The following KCNN2 variants were observed in gnomAD, a reference collection of about 807,000 sequenced individuals.
KCNN2 encodes the protein small conductance calcium-activated potassium channel protein 2.
KCNN2 carries 24 observed loss-of-function variants against 55.5 expected under a neutral mutation model. The observed-to-expected ratio is 0.43, with a 90% CI of 0.31 to 0.61. The LOEUF is 0.61. Among genes scored for constraint, KCNN2 ranks in the 20% least tolerant of loss-of-function variants. The pLI, the probability that KCNN2 is intolerant of heterozygous loss-of-function variation, is 0.08. For missense variants in KCNN2, 754 were observed against 853.6 expected (o/e 0.88, Z 1.45); for synonymous variants, 431 against 336.1 (o/e 1.28, Z -3.09).
chr5:114,227,994 CGAT>C (rs67331767), intron 2 of KCNN2, among the ~76,000 whole-genome samples: 6,341 of 151,468 alleles, frequency 0.042, 394 homozygotes, highest in African/African-American at 0.13. Context: ...ATGATGATGA[CGAT>C]GATGATGATG....
intron 5 of KCNN2, among the ~76,000 whole-genome samples, chr5:114,474,509 G>C (rs1485724172): frequency 6.6e-6 from 1 of 152,152 alleles, no homozygotes; most frequent in Non-Finnish European, 1.5e-5. Context: ...CCCTGTATGA[G>C]AGTGTGCAGG....
At chr5:114,279,968 C>A (rs1433998496) in intron 2 of KCNN2, among the ~76,000 whole-genome samples, 1 of 152,140 alleles carries the variant, frequency 6.6e-6, no homozygotes, top group Non-Finnish European at 1.5e-5. Flanking sequence ...CCTGTTGTTT[C>A]CTGACTTTTT....
chr5:114,058,843 G>A (rs960145276), intron 1 of KCNN2, among the ~76,000 whole-genome samples: 3 of 152,114 alleles, frequency 2.0e-5, no homozygotes, highest in Admixed American at 1.3e-4. Flanking sequence ...ACTATCGGAG[G>A]GGCATTTGGG....
At chr5:114,321,136 G>T (rs1032017352) in intron 2 of KCNN2, among the ~76,000 whole-genome samples, 1 of 152,158 alleles carries the variant, frequency 6.6e-6, no homozygotes, top group Non-Finnish European at 1.5e-5. Flanking sequence ...TTGAACCCAG[G>T]TACCTTCTTA....
intron 1 of KCNN2, among the ~76,000 whole-genome samples, chr5:114,065,651 A>T (rs1298785932): frequency 2.6e-5 from 4 of 152,102 alleles, no homozygotes; most frequent in Admixed American, 6.5e-5. Context: ...TTCTGTGGAC[A>T]TTTGCAAAAG....
intron 1 of KCNN2, among the ~76,000 whole-genome samples, chr5:114,215,879 A>G (rs183572219): frequency 6.6e-6 from 1 of 152,298 alleles, no homozygotes; most frequent in East Asian, 1.9e-4. Flanking sequence ...TTTAGTACCT[A>G]GAATAAGACT....
chr5:114,267,801 CTTAA>C (rs1755239835), intron 2 of KCNN2, among the ~76,000 whole-genome samples: 1 of 152,124 alleles, frequency 6.6e-6, no homozygotes, highest in Non-Finnish European at 1.5e-5. Context: ...TATAGTCAGA[CTTAA>C]TTAAGTTATC....
In KCNN2 at chr5:114,192,274, A is replaced by G. The variant is rs567299985; in HGVS notation, c.-270-29206A>G. On this transcript the variant is annotated intron_variant, in intron 1 of 10. Transcript: ENST00000512097. ...CTTTTAATGTTTTGGCTGCTCTCTT[A>G]TGCTTCAGTGACACATGATGAGCTG... Among the ~76,000 whole-genome samples the G allele has an allele frequency of 1.5e-4, 23 of 152,244 alleles. No homozygotes were observed. The South Asian group carries it at 4.6e-3, about 30-fold the overall frequency.
intron 1 of KCNN2, among the ~76,000 whole-genome samples, chr5:114,089,893 C>T (rs1000229343): frequency 2.2e-4 from 34 of 152,184 alleles, no homozygotes; most frequent in Middle Eastern, 3.4e-3. Flanking sequence ...AAGTACAAAT[C>T]GAGGATCTGA....
intron 3 of KCNN2, among the ~76,000 whole-genome samples, chr5:114,429,439 C>T (rs934488739): frequency 1.3e-5 from 2 of 152,062 alleles, no homozygotes; most frequent in African/African-American, 4.8e-5. Context: ...CATTTGCCAT[C>T]TGTATATCTT....
chr5:114,370,827 C>T (rs1009876760), intron 2 of KCNN2, among the ~76,000 whole-genome samples: 4 of 152,050 alleles, frequency 2.6e-5, no homozygotes, highest in African/African-American at 9.7e-5. Context: ...CGCCCCCCAC[C>T]CCTCCCACAT....
chr5:114,359,910 G>C (rs892873765), upstream of KCNN2, among the ~76,000 whole-genome samples: 3 of 152,132 alleles, frequency 2.0e-5, no homozygotes, highest in Non-Finnish European at 4.4e-5. Context: ...TACTTCGCAG[G>C]ATTGTTTTGA....
At chr5:114,065,539 T>G (rs1750426989) in intron 1 of KCNN2, among the ~76,000 whole-genome samples, 2 of 152,234 alleles carry the variant, frequency 1.3e-5, no homozygotes, top group Admixed American at 6.5e-5. Flanking sequence ...AGCTACATTC[T>G]AAGGCTGAGA....
chr5:114,329,538 G>A (rs1024277429), intron 2 of KCNN2, among the ~76,000 whole-genome samples: 14 of 152,236 alleles, frequency 9.2e-5, no homozygotes, highest in African/African-American at 3.4e-4. Flanking sequence ...TTACACCAGT[G>A]GTTGGTCAGG....
chr5:114,458,668 A>G (rs1161476561), intron 3 of KCNN2, among the ~76,000 whole-genome samples: 2 of 152,216 alleles, frequency 1.3e-5, no homozygotes, highest in South Asian at 2.1e-4. Flanking sequence ...AGTGAATTCC[A>G]CATTACCTGT....
At chr5:114,302,757 A>G (rs1353441292) in intron 2 of KCNN2, among the ~76,000 whole-genome samples, 1 of 152,100 alleles carries the variant, frequency 6.6e-6, no homozygotes, top group Non-Finnish European at 1.5e-5. Flanking sequence ...ACAGTTTACA[A>G]CCAGGCCTGG....
At chr5:114,127,432 G>A (rs1187036740) in intron 1 of KCNN2, among the ~76,000 whole-genome samples, 1 of 152,172 alleles carries the variant, frequency 6.6e-6, no homozygotes, top group East Asian at 1.9e-4. Context: ...ACCCTCTGAA[G>A]CCATGACTCG....
intron 1 of KCNN2, among the ~76,000 whole-genome samples, chr5:114,212,803 A>T (rs1753915882): frequency 6.6e-6 from 1 of 152,092 alleles, no homozygotes; most frequent in Non-Finnish European, 1.5e-5. Flanking sequence ...ATTTGCCATT[A>T]GAGTCCAGAT....
chr5:114,243,024 C>T (rs1754675919), intron 2 of KCNN2, among the ~76,000 whole-genome samples: 2 of 151,844 alleles, frequency 1.3e-5, no homozygotes. Context: ...ATATTCTCTG[C>T]CATTGTGGAA....
Sources: allele counts gnomAD v4.1 joint callset (sites outside exome capture counted in the v4.1 genomes callset), GRCh38; gene constraint gnomAD v4.1.1; transcripts MANE v1.5; gene names NCBI Gene and HGNC (gene_info 2026-07-23, HGNC 2026-07-21).